TECRL: variants seen among roughly 807,000 people sequenced by gnomAD.
TECRL encodes the protein trans-2,3-enoyl-CoA reductase like, also known as trans-2,3-enoyl-CoA reductase-like.
TECRL carries 63 observed loss-of-function variants against 52.8 expected under a neutral mutation model. The ratio of observed to expected loss-of-function variants is 1.19; its 90% CI spans 0.97 to 1.47. The LOEUF (loss-of-function observed/expected upper bound fraction) is 1.47, where lower values mean the gene tolerates loss of function less well. Ranked by LOEUF, TECRL falls within the 40% of genes most tolerant of loss-of-function variation. The probability of loss-of-function intolerance (pLI) is 0.00; values close to 1 mark genes in which losing one functional copy is unlikely to be tolerated. For missense variants in TECRL, 482 were observed against 429.6 expected, an observed-to-expected ratio of 1.12 and a Z score of -1.08; for synonymous variants, 164 against 141.9, an observed-to-expected ratio of 1.16 and a Z score of -1.10.
chr4:64,397,578 A>G (rs1003402465), intron 1 of TECRL: 1 of 151,644 alleles, frequency 6.6e-6, no homozygotes, highest in African/African-American at 2.4e-5. Context: ...ATGGCCATAA[A>G]CTATGAACCA....
chr4:64,298,374 C>T lies in TECRL; in HGVS notation c.774+1600G>A, dbSNP rs528884258. On this transcript the variant is annotated intron_variant, in intron 8 of 11. Coordinates refer to ENST00000381210, the MANE Select transcript of TECRL (RefSeq NM_001010874.5). ...TGATTAACAAAGTGATATGTGAAGA[C>T]GAAAAACCAGTAGCTTTATAAGAAA... Among the ~76,000 whole-genome samples, 111 of 150,934 alleles carry T rather than the reference C, an allele frequency of 7.4e-4. No homozygotes were observed. In the South Asian group the frequency reaches 0.019, roughly 26 times the overall value.
At chr4:64,343,545 T>C (rs1208411803) in intron 2 of TECRL, among the ~76,000 whole-genome samples, 1 of 151,884 alleles carries the variant, frequency 6.6e-6, no homozygotes, top group Non-Finnish European at 1.5e-5. Context: ...TAAATGGATA[T>C]TTATTTACTG....
downstream of TECRL, chr4:64,276,737 T>C (rs1191763061): frequency 4.7e-6 from 1 of 214,958 alleles, no homozygotes; most frequent in African/African-American, 2.3e-5. Context: ...TATATAGATT[T>C]GTTTTATATT....
Position 64,329,592 on chromosome 4 carries a change from C to G in TECRL, c.287-1036G>C, listed in dbSNP as rs138759451. ...TGGGTATTGTAAATGCATACACTGA[C>G]GTAAATTTAACTATCTAGAAAATAT... On this transcript the variant is annotated intron_variant, in intron 2 of 11. Transcript: ENST00000381210. Among the ~76,000 whole-genome samples the G allele has an allele frequency of 5.4e-3, 824 of 151,788 alleles. 5 individuals are homozygous for G. The highest frequency in any genetic ancestry group is 0.019 in the African/African-American group (784 of 41,478).
intron 1 of TECRL, among the ~76,000 whole-genome samples, chr4:64,382,661 C>T (rs1372653121): frequency 2.6e-5 from 4 of 151,892 alleles, no homozygotes; most frequent in East Asian, 1.9e-4. Context: ...ACCTAATCAG[C>T]CAATTTGTAT....
intron 1 of TECRL, among the ~76,000 whole-genome samples, chr4:64,406,457 T>C (rs1477163002): frequency 6.6e-6 from 1 of 151,856 alleles, no homozygotes; most frequent in Non-Finnish European, 1.5e-5. Flanking sequence ...TCTTAGCAAG[T>C]TATCAAAAGG....
intron 1 of TECRL, among the ~76,000 whole-genome samples, chr4:64,395,268 A>G (rs1723861941): frequency 6.6e-6 from 1 of 152,148 alleles, no homozygotes; most frequent in Admixed American, 6.6e-5. Context: ...TACCCAAATT[A>G]TATTTTAATA....
intron 8 of TECRL, among the ~76,000 whole-genome samples, chr4:64,299,581 A>T (rs949933778): frequency 1.3e-5 from 2 of 151,124 alleles, no homozygotes; most frequent in African/African-American, 4.8e-5. Context: ...TAAAAAGGCT[A>T]ACTCTGAGTT....
At chr4:64,309,314 G>A (rs985832111) in intron 6 of TECRL, among the ~76,000 whole-genome samples, 6 of 152,076 alleles carry the variant, frequency 3.9e-5, no homozygotes, top group Non-Finnish European at 7.4e-5. Flanking sequence ...GTTTCAACAT[G>A]TTGTCTAATG....
intron 2 of TECRL, among the ~76,000 whole-genome samples, chr4:64,362,281 G>C (rs879516477): frequency 6.6e-6 from 1 of 152,008 alleles, no homozygotes; most frequent in Non-Finnish European, 1.5e-5. Flanking sequence ...CATATTTGAG[G>C]ATTCTGTCCA....
chr4:64,305,072 C>T, intron 7 of TECRL, 94 bp downstream of exon 7: 1 of 894,462 alleles, frequency 1.1e-6, no homozygotes, highest in African/African-American at 1.7e-5. Context: ...TGAATTGTTT[C>T]ATTTTTTACT....
At chr4:64,393,478 A>G (rs1723695300) in intron 1 of TECRL, among the ~76,000 whole-genome samples, 1 of 152,018 alleles carries the variant, frequency 6.6e-6, no homozygotes, top group South Asian at 2.1e-4. Flanking sequence ...TTACTTTCAA[A>G]ATTAATTGTA....
intron 7 of TECRL, among the ~76,000 whole-genome samples, chr4:64,301,048 T>G (rs571577881): frequency 6.6e-6 from 1 of 151,072 alleles, no homozygotes; most frequent in Non-Finnish European, 1.5e-5. Context: ...TGCATAGATA[T>G]ATATTCATAG....
At position 64,346,480 on chromosome 4, in the gene TECRL, T is replaced by C. The variant is rs373297974; in HGVS notation, c.287-17924A>G. On this transcript the variant is annotated intron_variant, in intron 2 of 11. Transcript: ENST00000381210. ...AGGTTCCCAAACCTCAGTTCTTGAC[T>C]TCTGTGTACCTGCAGGCTCAACACC... 2.2e-4 allele frequency among the ~76,000 whole-genome samples: 33 copies of C among 152,386 alleles called. No individual in the cohort carries two copies. In the South Asian group the frequency reaches 6.4e-3, roughly 30 times the overall value.
At chr4:64,364,977 C>A (rs141985027) in intron 2 of TECRL, among the ~76,000 whole-genome samples, 1 of 151,844 alleles carries the variant, frequency 6.6e-6, no homozygotes, top group Non-Finnish European at 1.5e-5. Context: ...AGGACAATAA[C>A]CCCGATGAAG....
chr4:64,319,172 A>C (rs934517649), intron 4 of TECRL, among the ~76,000 whole-genome samples: 1 of 152,004 alleles, frequency 6.6e-6, no homozygotes, highest in African/African-American at 2.4e-5. Context: ...AAAATAACAC[A>C]AAGGTAATAG....
Position 64,409,438 on chromosome 4 carries a change from A to T in TECRL, c.-87T>A. On this transcript the variant is annotated 5_prime_UTR_variant, in exon 1 of 12. Transcript: ENST00000381210. ...TGCATCAGTTAAATACTGCTGGAGA[A>T]CCTTTGAAAGGTCAAATGGTATGCC... The T allele has an allele frequency of 6.5e-7, 1 of 1,528,246 alleles. No individual in the cohort carries two copies. Among genetic ancestry groups the T allele is most frequent in the Non-Finnish European group, 8.8e-7 (1 of 1,142,576 alleles). 94.7% of individuals were successfully genotyped at this position (1,528,246 alleles called of 1,614,324 possible).
chr4:64,405,637 T>A (rs1724660015), intron 1 of TECRL, among the ~76,000 whole-genome samples: 1 of 152,108 alleles, frequency 6.6e-6, no homozygotes, highest in Non-Finnish European at 1.5e-5. Flanking sequence ...AAATAATAGG[T>A]TACAGTATAT....
At chr4:64,357,805 G>T (rs1481436209) in intron 2 of TECRL, among the ~76,000 whole-genome samples, 1 of 151,370 alleles carries the variant, frequency 6.6e-6, no homozygotes, top group Non-Finnish European at 1.5e-5. Flanking sequence ...GATAAATTTC[G>T]ATGTTTGAAA....
Sources: gnomAD v4.1 joint callset for allele counts (sites outside exome capture counted in the v4.1 genomes callset) on GRCh38, gnomAD v4.1.1 for gene constraint, MANE v1.5 for transcripts, NCBI Gene and HGNC (gene_info 2026-07-23, HGNC 2026-07-21) for gene names.